Variants in EPHA5 observed in about 807,000 individuals in gnomAD.
The protein encoded by EPHA5 is EPH receptor A5.
In EPHA5, 60 loss-of-function variants were observed where a neutral mutation model predicts 105.0. The ratio of observed to expected loss-of-function variants is 0.57; its 90% confidence interval spans 0.46 to 0.71. The LOEUF is 0.71. Among genes scored for constraint, EPHA5 ranks in the 30% least tolerant of loss-of-function variants. EPHA5 has a pLI of 0.00. For synonymous variants in EPHA5, 513 were observed against 449.1 expected (o/e 1.14, Z -1.80); for missense variants, 1,218 against 1,274.7 (o/e 0.96, Z 0.68).
Position 65,670,172 on chromosome 4 carries a change from C to A in EPHA5, c.-430G>T. 1 of 244,872 alleles carries A rather than the reference C, an allele frequency of 4.1e-6. No individual in the cohort carries two copies. Among genetic ancestry groups the A allele is most frequent in the Non-Finnish European group, 7.9e-6 (1 of 127,262 alleles). 15.2% of individuals were successfully genotyped at this position (244,872 alleles called of 1,614,324 possible). A position where few individuals can be genotyped will look rare whatever the true frequency, so the allele number is the denominator to read the frequency against. On this transcript the variant is annotated 5_prime_UTR_variant, in exon 1 of 17. Coordinates refer to ENST00000613740, the MANE Select transcript of EPHA5 (RefSeq NM_001281766.3). ...GCAAATCATTTTAAGACGAAATCTC[C>A]GATTTTTTAAAAAAGGAGGAAAAAA...
At chr4:65,597,759 C>T (rs1457306038) in intron 3 of EPHA5, among the ~76,000 whole-genome samples, 4 of 152,134 alleles carry the variant, frequency 2.6e-5, no homozygotes, top group Non-Finnish European at 5.9e-5. Context: ...GTGAGGTAGT[C>T]TATTTCTCTT....
At chr4:65,529,049 C>T (rs1735514260) in intron 3 of EPHA5, among the ~76,000 whole-genome samples, 1 of 152,016 alleles carries the variant, frequency 6.6e-6, no homozygotes, top group Non-Finnish European at 1.5e-5. Flanking sequence ...AAACTATGTT[C>T]AATTAAAACA....
chr4:65,587,910 T>C (rs1468589502), intron 3 of EPHA5, among the ~76,000 whole-genome samples: 2 of 152,142 alleles, frequency 1.3e-5, no homozygotes, highest in Non-Finnish European at 2.9e-5. Context: ...ATGTGCACTT[T>C]AGTGCAGCTC....
At chr4:65,381,295 A>C (rs1263761707) in intron 8 of EPHA5, among the ~76,000 whole-genome samples, 1 of 151,788 alleles carries the variant, frequency 6.6e-6, no homozygotes. Context: ...TATAATATTA[A>C]ATTTTTAAAA....
At chr4:65,480,888 A>AATAATT (rs1730296195) in intron 5 of EPHA5, among the ~76,000 whole-genome samples, 1 of 151,642 alleles carries the variant, frequency 6.6e-6, no homozygotes, top group Non-Finnish European at 1.5e-5. Context: ...TAATAATAAT[A>AATAATT]ATTCCCAGGA....
At chr4:65,591,469 C>T (rs1742645858) in intron 3 of EPHA5, among the ~76,000 whole-genome samples, 1 of 151,358 alleles carries the variant, frequency 6.6e-6, no homozygotes, top group Admixed American at 6.6e-5. Context: ...GTTTTCTGTT[C>T]CCAAGTTTCC....
At chr4:65,520,182 A>G (rs919071029) in intron 3 of EPHA5, among the ~76,000 whole-genome samples, 1 of 152,182 alleles carries the variant, frequency 6.6e-6, no homozygotes, top group African/African-American at 2.4e-5. Context: ...ACACAGAGAT[A>G]TAGACCAATG....
At chr4:65,482,539 T>C (rs1469668005) in intron 5 of EPHA5, among the ~76,000 whole-genome samples, 2 of 152,046 alleles carry the variant, frequency 1.3e-5, no homozygotes, top group Admixed American at 1.3e-4. Flanking sequence ...ACGGATCTCA[T>C]AATAGGTAGC....
chr4:65,499,419 C>G lies in EPHA5; in HGVS notation c.911-3876G>C, dbSNP rs112832721. Among the ~76,000 whole-genome samples the G allele has an allele frequency of 5.9e-3, 898 of 151,588 alleles. 10 individuals are homozygous for G. Among genetic ancestry groups the G allele is most frequent in the Middle Eastern group, 0.051 (15 of 294 alleles). ...TCAATCTCACATGATTCCAATTTTC[C>G]CAGTTTTATTCCACTTTCAGGATAT... On this transcript the variant is annotated intron_variant, in intron 3 of 16. Transcript: ENST00000613740.
chr4:65,489,860 T>C (rs569311584), intron 5 of EPHA5, among the ~76,000 whole-genome samples: 2 of 152,258 alleles, frequency 1.3e-5, no homozygotes, highest in East Asian at 3.9e-4. Context: ...TTTTGATAAA[T>C]AAACTTAGCA....
intron 3 of EPHA5, among the ~76,000 whole-genome samples, chr4:65,551,380 G>A (rs373531002): frequency 2.0e-5 from 3 of 151,160 alleles, no homozygotes; most frequent in Non-Finnish European, 2.9e-5. Flanking sequence ...TTACCCTAAG[G>A]GAATAGTGTA....
intron 3 of EPHA5, among the ~76,000 whole-genome samples, chr4:65,597,086 G>A (rs1743266944): frequency 6.6e-6 from 1 of 152,092 alleles, no homozygotes; most frequent in Non-Finnish European, 1.5e-5. Context: ...CTCCCAGTTG[G>A]ACAATTAATA....
At chr4:65,420,077 G>T (rs149991613) in intron 6 of EPHA5, among the ~76,000 whole-genome samples, 1 of 151,930 alleles carries the variant, frequency 6.6e-6, no homozygotes, top group South Asian at 2.1e-4. Flanking sequence ...GTGTTATGTT[G>T]AGTTACTGGC....
At chr4:65,667,862 T>C (rs1750085584) in intron 1 of EPHA5, among the ~76,000 whole-genome samples, 1 of 152,106 alleles carries the variant, frequency 6.6e-6, no homozygotes, top group South Asian at 2.1e-4. Context: ...GTTAAACCTC[T>C]TCAAATTCAA....
At chr4:65,478,941 G>A (rs1463753071) in intron 5 of EPHA5, among the ~76,000 whole-genome samples, 1 of 152,076 alleles carries the variant, frequency 6.6e-6, no homozygotes, top group Non-Finnish European at 1.5e-5. Flanking sequence ...TGAAGCAGTT[G>A]TCTTTTGTTA....
chr4:65,354,773 A>T (rs1285693779), intron 11 of EPHA5, among the ~76,000 whole-genome samples: 2 of 151,700 alleles, frequency 1.3e-5, no homozygotes, highest in Non-Finnish European at 3.0e-5. Context: ...AAAAGAAATA[A>T]CTGGGAAGAA....
At chr4:65,342,688 C>T (rs1268418599) in intron 14 of EPHA5, among the ~76,000 whole-genome samples, 1 of 149,994 alleles carries the variant, frequency 6.7e-6, no homozygotes, top group Admixed American at 6.7e-5. Context: ...ATACAATATA[C>T]ATAAACATAT....
chr4:65,624,711 T>C (rs1160160559), intron 2 of EPHA5, among the ~76,000 whole-genome samples: 1 of 152,192 alleles, frequency 6.6e-6, no homozygotes. Flanking sequence ...ACCTGGTTAC[T>C]AGCAAGGATG....
chr4:65,589,299 A>AT (rs1350652765), intron 3 of EPHA5, among the ~76,000 whole-genome samples: 2 of 151,912 alleles, frequency 1.3e-5, no homozygotes, highest in Non-Finnish European at 2.9e-5. Context: ...CTGAATTTAA[A>AT]TTTTTTTTCA....
Sources: allele counts gnomAD v4.1 joint callset (sites outside exome capture counted in the v4.1 genomes callset), GRCh38; gene constraint gnomAD v4.1.1; transcripts MANE v1.5; gene names NCBI Gene and HGNC (gene_info 2026-07-23, HGNC 2026-07-21).